The following FGFR3 variants were observed in gnomAD, a reference collection of about 807,000 sequenced individuals.
FGFR3 encodes fibroblast growth factor receptor 3.
A neutral mutation model predicts 82.9 loss-of-function variants in FGFR3; 25 were observed. The observed-to-expected ratio is 0.30, with a 90% CI of 0.22 to 0.42. The LOEUF (loss-of-function observed/expected upper bound fraction) is 0.42. FGFR3 is among the 10% of genes least tolerant of loss of function. The pLI, the probability that FGFR3 is intolerant of heterozygous loss-of-function variation, is 1.00. For synonymous variants in FGFR3, 620 were observed against 516.0 expected (o/e 1.20, Z -2.73); for missense variants, 1,026 against 1,161.0 (o/e 0.88, Z 1.69).
chr4:1,798,636 CTCCT>C (rs17884222), intron 2 of FGFR3, among the ~76,000 whole-genome samples: 7,932 of 152,094 alleles, frequency 0.052, 261 homozygotes, highest in Middle Eastern at 0.12. Context: ...GACCCTGCAC[CTCCT>C]TCCTTCTCGC....
rs922106076 is a variant in FGFR3 at position 1,806,268 on chromosome 4, C to T, written c.1971C>T (p.Pro657=). ...YYKKTTNGRL[P]VKWMAPEALF... is the part of the protein sequence containing the mutation. ...CCACACCCTCCCAGGGCCGGCTGCCCGTGAAGTGGATGGCGCCTGAGGCCT... is the reference window on the plus strand; with the variant it reads ...CCACACCCTCCCAGGGCCGGCTGCCTGTGAAGTGGATGGCGCCTGAGGCCT... The change falls in exon 15 of 18, where the codon CCC becomes CCT. Residue 657 remains proline (P), a synonymous_variant. Coordinates refer to ENST00000440486, the MANE Select transcript of FGFR3 (RefSeq NM_000142.5). 2.8e-5 allele frequency: 45 copies of T among 1,613,088 alleles called. No homozygotes were observed. The highest frequency in any genetic ancestry group is 2.5e-4 in the African/African-American group (19 of 75,016).
Position 1,794,060 on chromosome 4 carries a change from TA to T in FGFR3, c.109+18del. The T allele has an allele frequency of 7.4e-7, 1 of 1,349,704 alleles. No individual in the cohort carries two copies. The highest frequency in any genetic ancestry group is 9.7e-7 in the Non-Finnish European group (1 of 1,028,796). 83.6% of individuals were successfully genotyped at this position (1,349,704 alleles called of 1,614,324 possible). On this transcript the variant is annotated intron_variant, in intron 2 of 17. Transcript: ENST00000440486. Reference sequence around the variant, plus strand: ...GAGCGGCAGGTAAGAAGGGACCCACTAGGCACGGGAGAGGCCGGCCCGTGCG... The same window carrying T: ...GAGCGGCAGGTAAGAAGGGACCCACTGGCACGGGAGAGGCCGGCCCGTGCG...
At chr4:1,803,089 C>A in intron 7 of FGFR3, 1 of 1,539,744 alleles carries the variant, frequency 6.5e-7, no homozygotes, top group Non-Finnish European at 8.7e-7. Flanking sequence ...CCATGCCGGC[C>A]GGCACAAGAG....
At chr4:1,794,085 C>G (rs769396505) in intron 2 of FGFR3, 42 bp downstream of exon 2, 2 of 1,191,294 alleles carry the variant, frequency 1.7e-6, no homozygotes, top group Non-Finnish European at 2.2e-6. Flanking sequence ...CCGGCCCGTG[C>G]GGGCAGAGGC....
At chr4:1,795,304 C>T (rs1013500074) in intron 2 of FGFR3, among the ~76,000 whole-genome samples, 43 of 152,100 alleles carry the variant, frequency 2.8e-4, no homozygotes, top group African/African-American at 9.9e-4. Context: ...AGATATTACT[C>T]CCTACGGCCC....
intron 10 of FGFR3, 102 bp from the exon 11 acceptor site, chr4:1,805,253 T>G (rs2108801590): frequency 6.4e-7 from 1 of 1,574,756 alleles, no homozygotes. Context: ...CTGGAGGTGG[T>G]GGCTCTGGGC....
In FGFR3 at chr4:1,808,546, A is replaced by C. The variant is rs900090801; in HGVS notation, c.*1284A>C. On this transcript the variant is annotated 3_prime_UTR_variant, in exon 18 of 18. Transcript: ENST00000440486. ...AGATGTTACAAGTTTATATATATCT[A>C]TATATATAATTTATTGAGTTTTTAC... 2 of 228,936 alleles carry C rather than the reference A, an allele frequency of 8.7e-6. No homozygotes were observed. Among genetic ancestry groups the C allele is most frequent in the Non-Finnish European group, 8.7e-6 (1 of 115,154 alleles). The allele number at this position is 228,936 out of a possible 1,614,324, so 14.2% of individuals were successfully genotyped here.
rs1455055079 is a variant in FGFR3 at position 1,793,314 on chromosome 4, C to A, written c.-254C>A. 8.2e-5 allele frequency: 12 copies of A among 145,754 alleles called. No homozygotes were observed. Among genetic ancestry groups the A allele is most frequent in the South Asian group, 2.0e-4 (1 of 4,988 alleles). 9.0% of individuals were successfully genotyped at this position (145,754 alleles called of 1,614,324 possible). On this transcript the variant is annotated 5_prime_UTR_variant, in exon 1 of 18. Coordinates refer to ENST00000440486, the MANE Select transcript of FGFR3 (RefSeq NM_000142.5). ...GCTCAGTGCGCGGTGGCGGCGGCGT[C>A]GCGGGCAGCTGGCGCCGCGCGGTCC...
In FGFR3 at chr4:1,807,801, C is replaced by T. The variant is rs1433379827; in HGVS notation, c.*539C>T. 4 of 504,890 alleles carry T rather than the reference C, an allele frequency of 7.9e-6. No homozygotes were observed. The highest frequency in any genetic ancestry group is 1.9e-5 in the African/African-American group (1 of 52,696). The allele number at this position is 504,890 out of a possible 1,614,324, so 31.3% of individuals were successfully genotyped here. A position where few individuals can be genotyped will look rare whatever the true frequency, so the allele number is the denominator to read the frequency against. ...CCCTGCCCCTCAGAGACTGAAATTA[C>T]GGGTACCTGAAGATGGGAGCCTTTA... On this transcript the variant is annotated 3_prime_UTR_variant, in exon 18 of 18. Coordinates refer to ENST00000440486, the MANE Select transcript of FGFR3 (RefSeq NM_000142.5).
chr4:1,800,156 C>T (rs775884550), intron 4 of FGFR3, among the ~76,000 whole-genome samples: 1 of 151,992 alleles, frequency 6.6e-6, no homozygotes, highest in African/African-American at 2.4e-5. Flanking sequence ...ATTAGCGCAG[C>T]AGGGCAGGGC....
At chr4:1,803,038 G>A (rs1293621287) in intron 7 of FGFR3, 1 of 1,600,150 alleles carries the variant, frequency 6.2e-7, no homozygotes, top group Non-Finnish European at 8.5e-7. Context: ...AAGGCCTTTT[G>A]GCTGAGCGTT....
intron 4 of FGFR3, among the ~76,000 whole-genome samples, chr4:1,800,359 T>G (rs1577270938): frequency 1.4e-5 from 2 of 144,552 alleles, no homozygotes; most frequent in Non-Finnish European, 1.5e-5. Flanking sequence ...AGTTGTAGGG[T>G]GGGGAGGTGG....
rs2108817436 is a variant in FGFR3, at chr4:1,807,163, C to G, written c.2322C>G (p.Gly774=). 3.1e-6 allele frequency: 5 copies of G among 1,601,442 alleles called. No homozygotes were observed. Among genetic ancestry groups the G allele is most frequent in the Non-Finnish European group, 4.3e-6 (5 of 1,174,710 alleles). Residue 774 remains glycine (G), a synonymous_variant, in exon 18 of 18, where the codon GGC becomes GGG. Coordinates refer to ENST00000440486, the MANE Select transcript of FGFR3 (RefSeq NM_000142.5). ...SAPFEQYSPG[G]QDTPSSSSSG... ...CTTTCGAGCAGTACTCCCCGGGTGG[C>G]CAGGACACCCCCAGCTCCAGCTCCT... is the stretch of plus-strand genomic sequence containing the variant.
chr4:1,798,278 C>T (rs923114849), intron 2 of FGFR3, among the ~76,000 whole-genome samples: 16 of 151,930 alleles, frequency 1.1e-4, no homozygotes, highest in African/African-American at 3.6e-4. Flanking sequence ...TGCCCTGGCT[C>T]TCACAGCTTC....
In FGFR3 at chr4:1,801,551, G is replaced by T; in HGVS notation, c.615+15G>T. 1 of 1,579,084 alleles carries T rather than the reference G, an allele frequency of 6.3e-7. No individual in the cohort carries two copies. Among genetic ancestry groups the T allele is most frequent in the Non-Finnish European group, 8.6e-7 (1 of 1,163,554 alleles). On this transcript the variant is annotated intron_variant, in intron 5 of 17. Coordinates refer to ENST00000440486, the MANE Select transcript of FGFR3 (RefSeq NM_000142.5). ...GAGGCATCAAGGTGGGCGCGGCGGG[G>T]TGGCTCTGGGCCTGGCAGGCGCGGT...
At position 1,808,216 on chromosome 4, in the gene FGFR3, A is replaced by G. The variant is rs1345875748; in HGVS notation, c.*954A>G. ...AATTTTTAACTTATTGACAACCGAG[A>G]AGGTTTATCCCGCCGATAGAGGGAC... On this transcript the variant is annotated 3_prime_UTR_variant, in exon 18 of 18. Transcript: ENST00000440486. 1 of 232,746 alleles carries G rather than the reference A, an allele frequency of 4.3e-6. No homozygotes were observed. The highest frequency in any genetic ancestry group is 2.2e-5 in the African/African-American group (1 of 45,278). The allele number at this position is 232,746 out of a possible 1,614,324, so 14.4% of individuals were successfully genotyped here. A position where few individuals can be genotyped will look rare whatever the true frequency, so the allele number is the denominator to read the frequency against.
intron 4 of FGFR3, 117 bp from the exon 5 acceptor site, chr4:1,801,250 A>T: frequency 3.4e-6 from 4 of 1,186,048 alleles, no homozygotes; most frequent in African/African-American, 1.5e-5. Flanking sequence ...CCCTCTTCCT[A>T]CACAGGACGG....
Position 1,806,890 on chromosome 4 carries a change from C to G in FGFR3, c.2230C>G (p.Leu744Val), listed in dbSNP as rs1346552046. The change falls in exon 17 of 18, where the codon CTG (leucine) becomes GTG (valine). Residue 744 changes from leucine (L) to valine (V), a missense_variant. This residue lies in a region of FGFR3 where 155 missense variants were observed against 150.2 expected (regional missense o/e 1.03). Transcript: ENST00000440486. ...APSQRPTFKQ[L>V]VEDLDRVLTV... ...CTCCCAGAGGCCCACCTTCAAGCAG[C>G]TGGTGGAGGACCTGGACCGTGTCCT... is the stretch of plus-strand genomic sequence containing the variant. The G allele has an allele frequency of 6.2e-7, 1 of 1,611,746 alleles. No individual in the cohort carries two copies.
At chr4:1,797,967 A>G (rs1052568866) in intron 2 of FGFR3, among the ~76,000 whole-genome samples, 4 of 152,048 alleles carry the variant, frequency 2.6e-5, no homozygotes, top group South Asian at 4.1e-4. Context: ...ATGACAAGTG[A>G]TGGCGCAACC....
Sources: allele counts gnomAD v4.1 joint callset (sites outside exome capture counted in the v4.1 genomes callset), GRCh38; gene constraint gnomAD v4.1.1; regional missense constraint gnomAD v4.1.1; transcripts MANE v1.5; gene names NCBI Gene and HGNC (gene_info 2026-07-23, HGNC 2026-07-21).